TBL1X: variants seen among roughly 807,000 people sequenced by gnomAD.
The protein encoded by TBL1X is F-box-like/WD repeat-containing protein TBL1X.
TBL1X carries 10 observed loss-of-function variants against 50.7 expected under a neutral mutation model. That is an observed-to-expected ratio of 0.20 (90% CI 0.12 to 0.33). The LOEUF (loss-of-function observed/expected upper bound fraction) is 0.33, where lower values mean the gene tolerates loss of function less well. Ranked by LOEUF, TBL1X falls within the 10% of genes least tolerant of loss-of-function variation. TBL1X has a pLI of 1.00. For missense variants in TBL1X, 340 were observed against 504.4 expected, an observed-to-expected ratio of 0.67 and a Z score of 3.12; for synonymous variants, 190 against 214.7, an observed-to-expected ratio of 0.88 and a Z score of 1.01.
intron 1 of TBL1X, among the ~76,000 whole-genome samples, chrX:9,499,887 ACT>A (rs1485749930): frequency 9.2e-6 from 1 of 108,625 alleles, no homozygotes; most frequent in African/African-American, 3.4e-5. Context: ...GAGGCAGGAG[ACT>A]CTCATTTGAA....
intron 2 of TBL1X, among the ~76,000 whole-genome samples, chrX:9,595,559 G>A (rs972284217): frequency 2.7e-5 from 3 of 111,927 alleles, no homozygotes; most frequent in African/African-American, 9.7e-5. Flanking sequence ...GAGAGCAGCT[G>A]GTCAGGGCCC....
chrX:9,663,442 G>A (rs1375681839), intron 5 of TBL1X, among the ~76,000 whole-genome samples: 2 of 111,753 alleles, frequency 1.8e-5, no homozygotes, highest in African/African-American at 3.3e-5. Flanking sequence ...GAAATGTGCC[G>A]AGTAGAACAG....
chrX:9,596,942 G>A (rs1288394430), intron 2 of TBL1X, among the ~76,000 whole-genome samples: 5 of 111,437 alleles, frequency 4.5e-5, no homozygotes, highest in African/African-American at 6.5e-5. Context: ...AGGAAGAAGA[G>A]CTAGGACTGT....
intron 3 of TBL1X, among the ~76,000 whole-genome samples, 196 bp downstream of exon 3, chrX:9,640,556 A>G (rs1324242341): frequency 8.9e-6 from 1 of 112,307 alleles, no homozygotes; most frequent in Non-Finnish European, 1.9e-5. Context: ...TGCATAGTCA[A>G]TTCCAAATGA....
At chrX:9,705,456 A>G (rs1278209021) in intron 13 of TBL1X, among the ~76,000 whole-genome samples, 1 of 111,814 alleles carries the variant, frequency 8.9e-6, no homozygotes, top group Non-Finnish European at 1.9e-5. Context: ...AAAAAAAATC[A>G]TTAAAAAACA....
chrX:9,669,833 A>G (rs1397310218), intron 5 of TBL1X, among the ~76,000 whole-genome samples: 1 of 111,458 alleles, frequency 9.0e-6, no homozygotes, highest in Non-Finnish European at 1.9e-5. Context: ...AAGGTGTTAT[A>G]AAACCCAAAG....
Position 9,602,598 on chromosome X carries a change from G to C in TBL1X, c.-130-37675G>C, listed in dbSNP as rs112716512. Among the ~76,000 whole-genome samples, 905 of 111,725 alleles carry C rather than the reference G, an allele frequency of 8.1e-3. 10 individuals carry two copies. The highest frequency in any genetic ancestry group is 0.027 in the African/African-American group (845 of 30,778). Reference sequence around the variant, plus strand: ...AGGGCTCATCTGCCTGGAGTAGCTTGAAGTTGAATGTTAATATATACTTTT... The same window carrying C: ...AGGGCTCATCTGCCTGGAGTAGCTTCAAGTTGAATGTTAATATATACTTTT... On this transcript the variant is annotated intron_variant, in intron 2 of 17. Coordinates refer to ENST00000645353, the MANE Select transcript of TBL1X (RefSeq NM_005647.4).
chrX:9,498,732 C>G lies in TBL1X; in HGVS notation c.-200-3048C>G, dbSNP rs189789715. ...CCTGTGGGGGAATCACATGCCCCCC[C>G]ACTCTAGTGCCCATTGGGGACATGG... On this transcript the variant is annotated intron_variant, in intron 1 of 17. Transcript: ENST00000645353. Among the ~76,000 whole-genome samples the G allele has an allele frequency of 8.5e-3, 953 of 112,601 alleles. 10 individuals carry two copies. The highest frequency in any genetic ancestry group is 0.029 in the African/African-American group (899 of 31,042).
At chrX:9,703,076 G>A (rs1478941354) in intron 12 of TBL1X, among the ~76,000 whole-genome samples, 1 of 111,576 alleles carries the variant, frequency 9.0e-6, no homozygotes, top group African/African-American at 3.3e-5. Flanking sequence ...ATGGAGCACA[G>A]TACTTTTCAC....
At chrX:9,621,728 G>C (rs147692127) in intron 2 of TBL1X, among the ~76,000 whole-genome samples, 1,981 of 111,995 alleles carry the variant, frequency 0.018, 17 homozygotes, top group Non-Finnish European at 0.027. Context: ...GATTTAACAA[G>C]AACACCCAGC....
intron 2 of TBL1X, among the ~76,000 whole-genome samples, chrX:9,638,815 C>G (rs1217320420): frequency 8.9e-6 from 1 of 111,848 alleles, no homozygotes; most frequent in Non-Finnish European, 1.9e-5. Flanking sequence ...CATCATAAGG[C>G]TATTTTTTCC....
At chrX:9,696,826 G>A (rs1436768701) in intron 11 of TBL1X, among the ~76,000 whole-genome samples, 1 of 112,722 alleles carries the variant, frequency 8.9e-6, no homozygotes, top group African/African-American at 3.2e-5. Flanking sequence ...GTATTGGTTA[G>A]GGATGCTCTG....
At chrX:9,628,489 C>T (rs763902187) in intron 2 of TBL1X, among the ~76,000 whole-genome samples, 1 of 112,137 alleles carries the variant, frequency 8.9e-6, no homozygotes, top group South Asian at 3.7e-4. Context: ...ACTGACAAGG[C>T]TAGTCTGTAC....
At chrX:9,674,066 G>A (rs1601830621) in intron 5 of TBL1X, among the ~76,000 whole-genome samples, 1 of 111,111 alleles carries the variant, frequency 9.0e-6, no homozygotes, top group African/African-American at 3.3e-5. Context: ...TTCTTTCTCA[G>A]AAATAATAAT....
chrX:9,704,694 G>A (rs2083196406), intron 12 of TBL1X, among the ~76,000 whole-genome samples: 1 of 105,077 alleles, frequency 9.5e-6, no homozygotes. Flanking sequence ...AGGCCATCCT[G>A]GGCAATATAG....
intron 2 of TBL1X, among the ~76,000 whole-genome samples, chrX:9,625,189 A>G (rs1012355148): frequency 1.8e-5 from 2 of 112,627 alleles, no homozygotes; most frequent in African/African-American, 6.4e-5. Context: ...AAAAACACAT[A>G]AAAGTTTCAT....
chrX:9,487,704 C>T lies in TBL1X; in HGVS notation c.-200-14076C>T, dbSNP rs1408025536. 2.7e-5 allele frequency among the ~76,000 whole-genome samples: 3 copies of T among 112,061 alleles called. No homozygotes were observed. In the Admixed American group the frequency reaches 2.9e-4, roughly 11 times the overall value. On this transcript the variant is annotated intron_variant, in intron 1 of 17. Coordinates refer to ENST00000645353, the MANE Select transcript of TBL1X (RefSeq NM_005647.4). ...TTGCTGTAGTTCCTCCAAATTTCTC[C>T]CACTTTCCTATACCTAAAGGTCAAC...
chrX:9,709,816 AT>A, intron 15 of TBL1X, 56 bp downstream of exon 15: 1 of 1,185,635 alleles, frequency 8.4e-7, no homozygotes, highest in Non-Finnish European at 1.1e-6. Flanking sequence ...ACAACAGGAA[AT>A]TCTGCTAAAG....
intron 1 of TBL1X, among the ~76,000 whole-genome samples, chrX:9,468,590 G>C (rs926691238): frequency 4.5e-5 from 5 of 111,280 alleles, no homozygotes; most frequent in Non-Finnish European, 7.5e-5. Flanking sequence ...GGGAATCTGG[G>C]CTCCCGCTGA....
Sources: allele counts gnomAD v4.1 joint callset (sites outside exome capture counted in the v4.1 genomes callset), GRCh38; gene constraint gnomAD v4.1.1; transcripts MANE v1.5; gene names NCBI Gene and HGNC (gene_info 2026-07-23, HGNC 2026-07-21).